Variants in ANO2 observed in about 807,000 individuals in gnomAD.
ANO2 encodes anoctamin 2, also known as anoctamin-2.
A neutral mutation model predicts 124.2 loss-of-function variants in ANO2; 101 were observed. The observed-to-expected ratio is 0.81, with a 90% CI of 0.69 to 0.96. ANO2 has a LOEUF of 0.96. Among genes scored for constraint, ANO2 ranks in the 40% least tolerant of loss-of-function variants. ANO2 has a pLI of 0.00. For missense variants in ANO2, 1,293 were observed against 1,274.5 expected (o/e 1.01, Z -0.22); for synonymous variants, 486 against 482.5 (o/e 1.01, Z -0.09).
chr12:5,631,481 G>T (rs1945716322), intron 16 of ANO2, among the ~76,000 whole-genome samples: 1 of 152,166 alleles, frequency 6.6e-6, no homozygotes, highest in Non-Finnish European at 1.5e-5. Flanking sequence ...ATCTTTCCCT[G>T]GTCACAGTGA....
chr12:5,729,540 C>T (rs1331685025), intron 14 of ANO2, among the ~76,000 whole-genome samples: 1 of 152,070 alleles, frequency 6.6e-6, no homozygotes. Context: ...ATGCTGGAAA[C>T]CTCCTAAATA....
At chr12:5,866,391 G>C (rs1414648886) in intron 3 of ANO2, among the ~76,000 whole-genome samples, 3 of 152,188 alleles carry the variant, frequency 2.0e-5, no homozygotes, top group Admixed American at 6.5e-5. Context: ...AGCCTCACCA[G>C]ATCTGCTTAT....
chr12:5,571,960 T>A (rs1942150685), intron 23 of ANO2, among the ~76,000 whole-genome samples: 1 of 152,158 alleles, frequency 6.6e-6, no homozygotes, highest in Non-Finnish European at 1.5e-5. Flanking sequence ...TATGTCTAGA[T>A]CACATGCTGA....
At chr12:5,834,650 C>G (rs1351862655) in intron 4 of ANO2, among the ~76,000 whole-genome samples, 1 of 152,190 alleles carries the variant, frequency 6.6e-6, no homozygotes, top group African/African-American at 2.4e-5. Context: ...TTATTTAGTT[C>G]TTCTAAACCT....
At chr12:5,739,732 C>T (rs977757768) in intron 12 of ANO2, among the ~76,000 whole-genome samples, 1 of 152,060 alleles carries the variant, frequency 6.6e-6, no homozygotes, top group African/African-American at 2.4e-5. Flanking sequence ...GAGGGGTCTG[C>T]AGGATTTTTT....
Position 5,563,389 on chromosome 12 carries a change from T to C in ANO2, c.2907A>G (p.Arg969=). ...CTGAGCTGGCTGCCCGGCTCCTGCT[T>C]CGATCCCCACCTCCTGGGCTCCTCA... ...PALRSPGGGD[R]SRSRAASSAP... The change falls in exon 25 of 25, where the codon CGA becomes CGG. Residue 969 remains arginine (R), a synonymous_variant. Transcript: ENST00000682330. 6.2e-7 allele frequency: 1 copy of C among 1,608,006 alleles called. No homozygotes were observed. Among genetic ancestry groups the C allele is most frequent in the Non-Finnish European group, 8.5e-7 (1 of 1,177,610 alleles).
chr12:5,586,129 C>A (rs777481992), intron 20 of ANO2, among the ~76,000 whole-genome samples: 11 of 152,164 alleles, frequency 7.2e-5, no homozygotes, highest in African/African-American at 2.4e-4. Flanking sequence ...ACTGACTAGG[C>A]ATCTTCTGTA....
rs528116299 is a variant in ANO2 at position 5,611,685 on chromosome 12, T to C, written c.2087+971A>G. ...CTGGGCAAACATGAGGAAATATATT[T>C]GGAAAGAAAGTGATTTTAAAAGGTT... is the stretch of plus-strand genomic sequence containing the variant. On this transcript the variant is annotated intron_variant, in intron 19 of 24. Coordinates refer to ENST00000682330, the MANE Select transcript of ANO2 (RefSeq NM_001364791.2). Among the ~76,000 whole-genome samples the C allele has an allele frequency of 6.6e-5, 10 of 152,288 alleles. No individual in the cohort carries two copies. The South Asian group carries it at 2.1e-3, about 32-fold the overall frequency.
intron 16 of ANO2, among the ~76,000 whole-genome samples, chr12:5,632,216 G>C (rs754638287): frequency 4.6e-5 from 7 of 152,014 alleles, no homozygotes; most frequent in African/African-American, 9.7e-5. Flanking sequence ...GTATAAGGTA[G>C]ACAAGAGCAA....
intron 16 of ANO2, among the ~76,000 whole-genome samples, chr12:5,618,589 G>A (rs117237743): frequency 6.6e-6 from 1 of 152,276 alleles, no homozygotes; most frequent in Non-Finnish European, 1.5e-5. Flanking sequence ...AAAAAAACTA[G>A]TTTTTAACAA....
intron 14 of ANO2, among the ~76,000 whole-genome samples, chr12:5,700,801 A>T (rs1949370709): frequency 6.6e-6 from 1 of 152,186 alleles, no homozygotes; most frequent in African/African-American, 2.4e-5. Flanking sequence ...AACCCCACAA[A>T]GTGCCTGTAA....
chr12:5,643,045 A>C (rs561351853), intron 15 of ANO2, among the ~76,000 whole-genome samples: 2 of 148,012 alleles, frequency 1.4e-5, no homozygotes, highest in South Asian at 4.2e-4. Context: ...TATTGTGAAC[A>C]TGCAGAAAAA....
chr12:5,634,357 T>C (rs1229410102), intron 16 of ANO2, among the ~76,000 whole-genome samples: 1 of 152,170 alleles, frequency 6.6e-6, no homozygotes, highest in Non-Finnish European at 1.5e-5. Context: ...ATACGTACTA[T>C]GAATGCAACC....
At chr12:5,915,770 C>G (rs1205963561) in intron 3 of ANO2, among the ~76,000 whole-genome samples, 1 of 152,248 alleles carries the variant, frequency 6.6e-6, no homozygotes, top group African/African-American at 2.4e-5. Flanking sequence ...CAGAACCTCA[C>G]AGCCTCTAGC....
At chr12:5,882,134 A>G (rs1385737461) in intron 3 of ANO2, among the ~76,000 whole-genome samples, 1 of 152,224 alleles carries the variant, frequency 6.6e-6, no homozygotes, top group Non-Finnish European at 1.5e-5. Context: ...GGAAAGGAAC[A>G]GTCAAAAGCA....
chr12:5,706,509 T>C (rs574385115), intron 14 of ANO2, among the ~76,000 whole-genome samples: 1 of 152,328 alleles, frequency 6.6e-6, no homozygotes, highest in South Asian at 2.1e-4. Flanking sequence ...TGCTCAAACA[T>C]GCCCTTATCA....
At chr12:5,919,636 G>T (rs1941580385) in intron 3 of ANO2, among the ~76,000 whole-genome samples, 1 of 152,234 alleles carries the variant, frequency 6.6e-6, no homozygotes, top group African/African-American at 2.4e-5. Context: ...CCCGTGACCT[G>T]CAGGAAGGTA....
In ANO2 at chr12:5,900,934, T is replaced by G. The variant is rs529950768; in HGVS notation, c.534+20106A>C. Among the ~76,000 whole-genome samples, 4 of 152,344 alleles carry G rather than the reference T, an allele frequency of 2.6e-5. No individual in the cohort carries two copies. The highest frequency in any genetic ancestry group is 4.1e-4 in the South Asian group (2 of 4,826). On this transcript the variant is annotated intron_variant, in intron 3 of 24. Coordinates refer to ENST00000682330, the MANE Select transcript of ANO2 (RefSeq NM_001364791.2). This position sits in a 1 kb window ranked among gnomAD's most constrained non-coding sequence, Gnocchi z 4.2. ...GGTCATTCCCCTGCCGGCAGCACTT[T>G]GATGGCTTTTTGTATTCATCAATTC...
chr12:5,879,647 G>C (rs1368190872), intron 3 of ANO2, among the ~76,000 whole-genome samples: 1 of 152,204 alleles, frequency 6.6e-6, no homozygotes, highest in Non-Finnish European at 1.5e-5. Context: ...GACAATGCTT[G>C]AGCTAAGACC....
Sources: allele counts gnomAD v4.1 joint callset (sites outside exome capture counted in the v4.1 genomes callset), GRCh38; gene constraint gnomAD v4.1.1; non-coding constraint Gnocchi (gnomAD v3.1); transcripts MANE v1.5; gene names NCBI Gene and HGNC (gene_info 2026-07-23, HGNC 2026-07-21).